USP36: variants seen among roughly 807,000 people sequenced by gnomAD.
USP36 encodes ubiquitin specific peptidase 36.
A neutral mutation model predicts 111.5 loss-of-function variants in USP36; 59 were observed. The ratio of observed to expected loss-of-function variants is 0.53; its 90% CI spans 0.43 to 0.66. The LOEUF (loss-of-function observed/expected upper bound fraction) is 0.66, where lower values mean the gene tolerates loss of function less well. USP36 is among the 30% of genes least tolerant of loss of function. The pLI, the probability that USP36 is intolerant of heterozygous loss-of-function variation, is 0.00. For synonymous variants in USP36, 628 were observed against 581.0 expected (o/e 1.08, Z -1.16); for missense variants, 1,488 against 1,468.0 (o/e 1.01, Z -0.22).
chr17:78,787,439 G>A (rs1026056337), exon 4 of USP36: 1 of 152,202 alleles, frequency 6.6e-6, no homozygotes. Context: ...CAAGCTATAA[G>A]TGAAAAAAGC....
downstream of USP36, among the ~76,000 whole-genome samples, chr17:78,795,103 A>G (rs2093611961): frequency 6.6e-6 from 1 of 151,764 alleles, no homozygotes; most frequent in Non-Finnish European, 1.5e-5. The surrounding 1 kb of genome is among the most constrained non-coding windows in gnomAD (Gnocchi z 4.5). Context: ...TCCAAGCCTC[A>G]GAACCCCCTC....
At chr17:78,831,527 C>A (rs1257575424) in intron 4 of USP36, among the ~76,000 whole-genome samples, 1 of 151,940 alleles carries the variant, frequency 6.6e-6, no homozygotes, top group Non-Finnish European at 1.5e-5. Flanking sequence ...GGAAGAGAAT[C>A]GCTTGAACCT....
chr17:78,819,388 A>G (rs1567948122), intron 9 of USP36, among the ~76,000 whole-genome samples: 3 of 152,266 alleles, frequency 2.0e-5, no homozygotes, highest in Non-Finnish European at 4.4e-5. Flanking sequence ...CCTGGCCAAC[A>G]AGGTGAAACC....
chr17:78,797,491 C>T lies in USP36; in HGVS notation c.*409G>A, dbSNP rs2093646856. 1 of 152,244 alleles carries T rather than the reference C, an allele frequency of 6.6e-6. No individual in the cohort carries two copies. Among genetic ancestry groups the T allele is most frequent in the African/African-American group, 2.4e-5 (1 of 41,432 alleles). The allele number at this position is 152,244 out of a possible 1,614,324, so 9.4% of individuals were successfully genotyped here. Reference sequence around the variant, plus strand: ...GCAAGGGATGGCTTGCCCAGAGCCACCAGCTATGCACCGGGAGACCACCTG... The same window carrying T: ...GCAAGGGATGGCTTGCCCAGAGCCATCAGCTATGCACCGGGAGACCACCTG... On this transcript the variant is annotated 3_prime_UTR_variant, in exon 21 of 21. Transcript: ENST00000449938.
chr17:78,841,408 TG>T (rs2069275233), upstream of USP36: 1 of 152,290 alleles, frequency 6.6e-6, no homozygotes. Context: ...GGCCAAAGCC[TG>T]GGGCTGCCGA....
rs534988399 is a variant in USP36, at chr17:78,803,728, G to A, written c.2467C>T (p.Leu823=). The change falls in exon 16 of 21, where the codon CTG becomes TTG. Residue 823 remains leucine (L), a synonymous_variant. Transcript: ENST00000449938. This position sits in a 1 kb window ranked among gnomAD's most constrained non-coding sequence, Gnocchi z 4.6. Reference sequence around the variant, plus strand: ...TGTGGGAGGCGCGTCTCTGAGCCCAGCCTCTGCGGCTCTCCCACAAAGGTC... The same window carrying A: ...TGTGGGAGGCGCGTCTCTGAGCCCAACCTCTGCGGCTCTCCCACAAAGGTC... ...KKTFVGEPQR[L]GSETRLPQHI... 1.2e-5 allele frequency: 20 copies of A among 1,612,110 alleles called. No homozygotes were observed. The East Asian group carries it at 4.0e-4, about 32-fold the overall frequency.
chr17:78,787,911 T>C (rs991871240), intron 3 of USP36, among the ~76,000 whole-genome samples: 5 of 152,180 alleles, frequency 3.3e-5, no homozygotes, highest in Non-Finnish European at 7.4e-5. Context: ...AACGGAAAGA[T>C]GGCTACGTGA....
downstream of USP36, among the ~76,000 whole-genome samples, chr17:78,794,558 G>A (rs766639828): frequency 6.6e-6 from 1 of 152,304 alleles, no homozygotes; most frequent in East Asian, 1.9e-4. Context: ...CGCCGCCTGC[G>A]AGACGACGTG....
rs946042914 is a variant in USP36, at chr17:78,838,732, G to C, written c.-155C>G. 1 of 152,330 alleles carries C rather than the reference G, an allele frequency of 6.6e-6. No homozygotes were observed. Among genetic ancestry groups the C allele is most frequent in the Non-Finnish European group, 1.5e-5 (1 of 68,094 alleles). 9.4% of individuals were successfully genotyped at this position (152,330 alleles called of 1,614,324 possible). ...TGTGGCCTGTTCAAACACCGAAGCCGCAGAGCGGGCGTCAGAGCCTGTGGG... is the reference window on the plus strand; with the variant it reads ...TGTGGCCTGTTCAAACACCGAAGCCCCAGAGCGGGCGTCAGAGCCTGTGGG... On this transcript the variant is annotated 5_prime_UTR_variant, in exon 2 of 21. Coordinates refer to ENST00000449938, the MANE Select transcript of USP36 (RefSeq NM_001385174.1).
chr17:78,840,399 C>T (rs1162770709), intron 1 of USP36: 4 of 152,400 alleles, frequency 2.6e-5, no homozygotes, highest in Non-Finnish European at 4.4e-5. Context: ...CCGACTTCAA[C>T]CTCTCCGAAG....
At chr17:78,816,539 T>A (rs552143454) in intron 10 of USP36, among the ~76,000 whole-genome samples, 3 of 151,890 alleles carry the variant, frequency 2.0e-5, no homozygotes, top group Non-Finnish European at 4.4e-5. Flanking sequence ...GGCAGGAGAA[T>A]CGCTTGAACT....
Position 78,803,917 on chromosome 17 carries a change from T to TG in USP36, c.2277dup (p.Thr760HisfsTer44). 2 of 726,422 alleles carry TG rather than the reference T, an allele frequency of 2.8e-6. No homozygotes were observed. Among genetic ancestry groups the TG allele is most frequent in the Admixed American group, 9.9e-5 (2 of 20,244 alleles). The allele number at this position is 726,422 out of a possible 1,614,324, so 45.0% of individuals were successfully genotyped here. A position where few individuals can be genotyped will look rare whatever the true frequency, so the allele number is the denominator to read the frequency against. Reference sequence around the variant, plus strand: ...GGCTTGGGGGTACTGGACAGCAATGTGGGGTGGGGGCTGAAGGGGGGTTGC... The same window carrying TG: ...GGCTTGGGGGTACTGGACAGCAATGTGGGGGTGGGGGCTGAAGGGGGGTTGC... On this transcript the variant is annotated frameshift_variant, in exon 16 of 21. Transcript: ENST00000449938. LOFTEE classifies it high-confidence loss of function. This position sits in a 1 kb window ranked among gnomAD's most constrained non-coding sequence, Gnocchi z 4.6.
At chr17:78,788,747 A>G (rs1003949802) in intron 3 of USP36, among the ~76,000 whole-genome samples, 1 of 152,178 alleles carries the variant, frequency 6.6e-6, no homozygotes, top group African/African-American at 2.4e-5. Context: ...ACCAGACACC[A>G]GGACATCATC....
chr17:78,814,436 G>A lies in USP36; in HGVS notation c.1140C>T (p.Ala380=), dbSNP rs749863780. Residue 380 remains alanine (A), a synonymous_variant, in exon 11 of 21, where the codon GCC becomes GCT. Transcript: ENST00000449938. The stretch of plus-strand genomic sequence containing the variant: ...CCTTCACGTAGCAGTAATAGTGCCC[G>A]GCATGGCAGCTGTAGCCCGAGTGCA... ...VLVHSGYSCH[A]GHYYCYVKAS... The A allele has an allele frequency of 2.1e-5, 34 of 1,613,988 alleles. No individual in the cohort carries two copies. In the African/African-American group the frequency reaches 2.1e-4, roughly 10 times the overall value.
chr17:78,798,455 G>C lies in USP36; in HGVS notation c.3337C>G (p.Pro1113Ala), dbSNP rs373613921. The change falls in exon 20 of 21, where the codon CCA becomes GCA. Residue 1113 changes from proline (P) to alanine (A), a missense_variant. Pro to Ala is a conservative substitution (Grantham distance 27, BLOSUM62 -1). Transcript: ENST00000449938. This position sits in a 1 kb window ranked among gnomAD's most constrained non-coding sequence, Gnocchi z 5.1. ...TAGCTGAGGCTGGCAGCCTTTGCTG[G>C]GTGAGTCACAGACCAGAAGTTCCGT... ...TRRNFWSVTH[P>A]AKAASLSYRR 49 of 1,614,080 alleles carry C rather than the reference G, an allele frequency of 3.0e-5. No homozygotes were observed. The highest frequency in any genetic ancestry group is 4.2e-5 in the Non-Finnish European group (49 of 1,180,052).
At chr17:78,822,870 G>A (rs2094363246) in intron 6 of USP36, among the ~76,000 whole-genome samples, 1 of 152,162 alleles carries the variant, frequency 6.6e-6, no homozygotes, top group African/African-American at 2.4e-5. Context: ...CCCTTTACTA[G>A]GAGGCTGCGC....
chr17:78,808,795 ATC>A (rs1336241219), intron 13 of USP36, among the ~76,000 whole-genome samples: 1 of 152,036 alleles, frequency 6.6e-6, no homozygotes, highest in Non-Finnish European at 1.5e-5. Flanking sequence ...TGTACCCGTT[ATC>A]TCTCTCGTTC....
chr17:78,829,827 GC>G (rs1468076242), intron 4 of USP36, among the ~76,000 whole-genome samples: 1 of 152,122 alleles, frequency 6.6e-6, no homozygotes, highest in African/African-American at 2.4e-5. Context: ...TGCAACCTCC[GC>G]CTGCCGGGTT....
chr17:78,824,662 T>C (rs975475134), intron 6 of USP36, among the ~76,000 whole-genome samples: 5 of 152,346 alleles, frequency 3.3e-5, no homozygotes, highest in Admixed American at 2.6e-4. Context: ...ATATGCTACC[T>C]ATAATTACTA....
Sources: gnomAD v4.1 joint callset for allele counts (sites outside exome capture counted in the v4.1 genomes callset) on GRCh38, gnomAD v4.1.1 for gene constraint, Gnocchi (gnomAD v3.1) non-coding constraint, MANE v1.5 for transcripts, NCBI Gene and HGNC (gene_info 2026-07-23, HGNC 2026-07-21) for gene names.